CNTNAP2: variants seen among roughly 807,000 people sequenced by gnomAD.
CNTNAP2 encodes contactin associated protein 2.
Under a neutral mutation model 155.2 loss-of-function variants are expected in CNTNAP2, and 98 were observed. The observed-to-expected ratio is 0.63, with a 90% CI of 0.54 to 0.75. The LOEUF (loss-of-function observed/expected upper bound fraction) is 0.75. Among genes scored for constraint, CNTNAP2 ranks in the 30% least tolerant of loss-of-function variants. The probability of loss-of-function intolerance (pLI) is 0.00; values close to 1 mark genes in which losing one functional copy is unlikely to be tolerated. For synonymous variants in CNTNAP2, 651 were observed against 631.2 expected, an observed-to-expected ratio of 1.03 and a Z score of -0.47; for missense variants, 1,727 against 1,688.1, an observed-to-expected ratio of 1.02 and a Z score of -0.40.
At chr7:146,543,307 G>A (rs1403526867) in intron 1 of CNTNAP2, among the ~76,000 whole-genome samples, 1 of 151,776 alleles carries the variant, frequency 6.6e-6, no homozygotes, top group Non-Finnish European at 1.5e-5. Context: ...ATTACATGAT[G>A]AATTACATAT....
chr7:148,413,509 A>G lies in CNTNAP2; in HGVS notation c.3797-1908A>G, dbSNP rs1395278747. ...AGTGTCAGGATAATGCTGGTCTCAT[A>G]AAATGAATTGAGTAGTGTTTTCTCC... On this transcript the variant is annotated intron_variant, in intron 23 of 23. Coordinates refer to ENST00000361727, the MANE Select transcript of CNTNAP2 (RefSeq NM_014141.6). Among the ~76,000 whole-genome samples the G allele has an allele frequency of 4.1e-5, 6 of 146,682 alleles. No individual in the cohort carries two copies. The South Asian group carries it at 8.7e-4, about 21-fold the overall frequency.
chr7:148,247,807 C>A (rs370924345), intron 20 of CNTNAP2, among the ~76,000 whole-genome samples: 2 of 151,890 alleles, frequency 1.3e-5, no homozygotes, highest in East Asian at 3.9e-4. Context: ...GTGTGTGCCA[C>A]CACGCCTGGC....
chr7:147,148,026 G>T (rs116277071), intron 8 of CNTNAP2, among the ~76,000 whole-genome samples: 2,686 of 152,238 alleles, frequency 0.018, 65 homozygotes, highest in African/African-American at 0.06. Context: ...TGCCCTCACT[G>T]TATAGATAAA....
chr7:147,804,399 G>A (rs1472513036), intron 13 of CNTNAP2, among the ~76,000 whole-genome samples: 1 of 152,084 alleles, frequency 6.6e-6, no homozygotes, highest in Non-Finnish European at 1.5e-5. Context: ...TCTGGGCAGG[G>A]AGAGTTTACT....
chr7:146,955,839 G>T (rs748382060), intron 3 of CNTNAP2, among the ~76,000 whole-genome samples: 2 of 151,994 alleles, frequency 1.3e-5, no homozygotes, highest in African/African-American at 4.8e-5. Flanking sequence ...TGATAGGTTT[G>T]TCATCACAGA....
intron 12 of CNTNAP2, among the ~76,000 whole-genome samples, chr7:147,633,477 A>C (rs765621508): frequency 7.9e-5 from 12 of 152,270 alleles, no homozygotes; most frequent in Non-Finnish European, 1.3e-4. Context: ...ATAAGCTAAG[A>C]CTTTGAAGAC....
intron 10 of CNTNAP2, among the ~76,000 whole-genome samples, chr7:147,463,325 A>G (rs562284165): frequency 2.8e-4 from 43 of 152,340 alleles, no homozygotes; most frequent in African/African-American, 9.6e-4. Flanking sequence ...ACAACCTTGA[A>G]CTTTTTTGAT....
intron 8 of CNTNAP2, among the ~76,000 whole-genome samples, chr7:147,163,285 A>C (rs2116458941): frequency 6.6e-6 from 1 of 152,332 alleles, no homozygotes; most frequent in East Asian, 1.9e-4. Flanking sequence ...CTTAACTGTT[A>C]TCTCCTTAAA....
At chr7:146,554,231 A>G (rs993679316) in intron 1 of CNTNAP2, among the ~76,000 whole-genome samples, 1 of 152,146 alleles carries the variant, frequency 6.6e-6, no homozygotes, top group Non-Finnish European at 1.5e-5. Context: ...AACTTGAACT[A>G]GTGAGATCTG....
intron 2 of CNTNAP2, among the ~76,000 whole-genome samples, chr7:146,821,180 G>A (rs1469697522): frequency 6.6e-6 from 1 of 152,072 alleles, no homozygotes; most frequent in Non-Finnish European, 1.5e-5. Context: ...AGTTAATATT[G>A]TTATGTGTGA....
intron 4 of CNTNAP2, among the ~76,000 whole-genome samples, chr7:147,098,464 C>T (rs1316434065): frequency 2.6e-5 from 4 of 152,006 alleles, no homozygotes; most frequent in Non-Finnish European, 1.5e-5. Context: ...TTTTTTAACT[C>T]ACCCCATTAC....
chr7:146,796,053 T>A lies in CNTNAP2; in HGVS notation c.208+21672T>A, dbSNP rs948347409. Among the ~76,000 whole-genome samples, 8 of 152,174 alleles carry A rather than the reference T, an allele frequency of 5.3e-5. No individual in the cohort carries two copies. The East Asian group carries it at 1.5e-3, about 29-fold the overall frequency. Reference sequence around the variant, plus strand: ...ATAAGTCATAGAAGAATACATACAATGTCATTTCACTTACATAAAATCCAA... The same window carrying A: ...ATAAGTCATAGAAGAATACATACAAAGTCATTTCACTTACATAAAATCCAA... On this transcript the variant is annotated intron_variant, in intron 2 of 23. Coordinates refer to ENST00000361727, the MANE Select transcript of CNTNAP2 (RefSeq NM_014141.6).
chr7:146,819,831 G>A (rs1563244894), intron 2 of CNTNAP2, among the ~76,000 whole-genome samples: 1 of 151,968 alleles, frequency 6.6e-6, no homozygotes, highest in African/African-American at 2.4e-5. Context: ...CTTTTCACTT[G>A]CCATAGTCGC....
intron 10 of CNTNAP2, among the ~76,000 whole-genome samples, chr7:147,457,509 A>AGTT (rs3053225): frequency 1 from 151,874 of 152,038 alleles, 75,855 homozygotes; most frequent in Middle Eastern, 1. Flanking sequence ...CTGTATATTT[A>AGTT]GTTCATAATT....
intron 1 of CNTNAP2, among the ~76,000 whole-genome samples, chr7:146,147,958 G>A (rs1797980031): frequency 1.3e-5 from 2 of 152,006 alleles, no homozygotes; most frequent in African/African-American, 2.4e-5. Context: ...TGTCAGAATG[G>A]TTACCTTGAA....
intron 1 of CNTNAP2, among the ~76,000 whole-genome samples, chr7:146,182,869 G>A (rs547939043): frequency 1.2e-3 from 179 of 152,118 alleles, no homozygotes; most frequent in African/African-American, 4.2e-3. Context: ...TTCCTAATAT[G>A]CTGTATCTGT....
At position 147,965,288 on chromosome 7, in the gene CNTNAP2, G is replaced by A. The variant is rs74348002; in HGVS notation, c.2256-12574G>A. On this transcript the variant is annotated intron_variant, in intron 14 of 23. Transcript: ENST00000361727. ...CCTTGGAAAGCAATGTTGGCAAATT[G>A]ATTACAGACATATGGGATAAAACAT... 3.4e-4 allele frequency among the ~76,000 whole-genome samples: 52 copies of A among 152,228 alleles called. 1 individual carries two copies. The East Asian group carries it at 9.1e-3, about 27-fold the overall frequency.
intron 13 of CNTNAP2, among the ~76,000 whole-genome samples, chr7:147,793,221 TG>T (rs1193330374): frequency 6.6e-6 from 1 of 152,192 alleles, no homozygotes; most frequent in Non-Finnish European, 1.5e-5. Context: ...CTTACTTTGT[TG>T]CTTGTGCTTA....
intron 15 of CNTNAP2, among the ~76,000 whole-genome samples, chr7:148,000,147 G>GCCTTCCCTT (rs1801871813): frequency 6.6e-6 from 1 of 152,188 alleles, no homozygotes; most frequent in Admixed American, 6.5e-5. Flanking sequence ...TAAAGGGAAG[G>GCCTTCCCTT]TACTTCAGTC....
Sources: gnomAD v4.1 joint callset for allele counts (sites outside exome capture counted in the v4.1 genomes callset) on GRCh38, gnomAD v4.1.1 for gene constraint, MANE v1.5 for transcripts, NCBI Gene and HGNC (gene_info 2026-07-23, HGNC 2026-07-21) for gene names.